The following PCDHA4 variants were observed in gnomAD, a reference collection of about 807,000 sequenced individuals.
PCDHA4 encodes the protein protocadherin alpha-4.
In PCDHA4, 49 loss-of-function variants were observed where a neutral mutation model predicts 61.4. The ratio of observed to expected loss-of-function variants is 0.80; its 90% confidence interval spans 0.63 to 1.01. The LOEUF (loss-of-function observed/expected upper bound fraction) is 1.01, where lower values mean the gene tolerates loss of function less well. PCDHA4 is among the 50% of genes least tolerant of loss of function. The pLI is 0.00. For missense variants in PCDHA4, 1,254 were observed against 1,235.8 expected (o/e 1.01, Z -0.22); for synonymous variants, 590 against 550.3 (o/e 1.07, Z -1.01).
intron 1 of PCDHA4, among the ~76,000 whole-genome samples, chr5:140,941,214 C>CCTTCCTTTCTTTCTTTCTTTCTTT (rs1554214040): frequency 1.1e-4 from 13 of 122,412 alleles, no homozygotes; most frequent in Non-Finnish European, 1.5e-4. Flanking sequence ...TTTCTTTCTT[C>CCTTCCTTTCTTTCTTTCTTTCTTT]CTTTCTTTCT....
intron 1 of PCDHA4, among the ~76,000 whole-genome samples, chr5:140,974,396 G>A (rs1413050341): frequency 6.6e-6 from 1 of 152,178 alleles, no homozygotes; most frequent in Non-Finnish European, 1.5e-5. Context: ...CATTAGGTAT[G>A]TTCTAAAGTT....
Position 140,849,909 on chromosome 5 carries a change from T to A in PCDHA4, c.2385+40337T>A. ...CGTGAAGGAGAACAACCCGCCGGGC[T>A]GCCACATCTTCACGGTGTCTGCGCG... On this transcript the variant is annotated intron_variant, in intron 1 of 3. Coordinates refer to ENST00000530339, the MANE Select transcript of PCDHA4 (RefSeq NM_018907.4). The A allele has an allele frequency of 3.8e-6, 6 of 1,598,300 alleles. 2 individuals carry two copies. The highest frequency in any genetic ancestry group is 5.1e-6 in the Non-Finnish European group (6 of 1,167,786).
At position 141,009,800 on chromosome 5, in the gene PCDHA4, A is replaced by G. The variant is rs148436868; in HGVS notation, c.2707A>G (p.Ser903Gly). The stretch of plus-strand genomic sequence containing the variant: ...CTCCATCCGGCAGGAGCCTACTAAC[A>G]GCCAAATTGACAAAAGTGACTTCAT... ...IISIRQEPTN[S>G]QIDKSDFITF... The change falls in exon 4 of 4, where the codon AGC (serine) becomes GGC (glycine). Residue 903 changes from serine to glycine, a missense_variant. By Grantham distance (56) the Ser-to-Gly change is moderately conservative (BLOSUM62 0). Coordinates refer to ENST00000530339, the MANE Select transcript of PCDHA4 (RefSeq NM_018907.4). 1.2e-4 allele frequency: 190 copies of G among 1,614,158 alleles called. No individual in the cohort carries two copies. In the African/African-American group the frequency reaches 2.3e-3, roughly 19 times the overall value.
chr5:140,940,774 G>T (rs1554213602), intron 1 of PCDHA4, among the ~76,000 whole-genome samples: 4 of 151,994 alleles, frequency 2.6e-5, no homozygotes, highest in African/African-American at 7.3e-5. Context: ...GACTTTTGAT[G>T]GTCCATATCC....
rs2150176322 is a variant in PCDHA4, at chr5:140,829,855, C to T, written c.2385+20283C>T. 3 of 1,613,928 alleles carry T rather than the reference C, an allele frequency of 1.9e-6. No individual in the cohort carries two copies. In the South Asian group the frequency reaches 3.3e-5, roughly 18 times the overall value. ...TGGTGCCGCGGTCACTGGGTGCAGG[C>T]CAAGTGGTGGCGAAGGTGCGCGCAG... On this transcript the variant is annotated intron_variant, in intron 1 of 3. Transcript: ENST00000530339.
In PCDHA4 at chr5:140,809,530, C is replaced by G; in HGVS notation, c.2343C>G (p.Asp781Glu). ...AFSPSLPDSR[D>E]REDQLQTTEE... is the part of the protein sequence containing the mutation. ...GCCCCAGTTTACCTGACTCTAGGGA[C>G]AGAGAAGATCAGCTGCAGACAACTG... The change falls in exon 1 of 4, where the codon GAC (aspartate) becomes GAG (glutamate). Residue 781 changes from aspartate (D) to glutamate (E), a missense_variant. Transcript: ENST00000530339. The G allele has an allele frequency of 6.2e-7, 1 of 1,613,906 alleles. No individual in the cohort carries two copies. The highest frequency in any genetic ancestry group is 8.5e-7 in the Non-Finnish European group (1 of 1,179,890).
intron 3 of PCDHA4, among the ~76,000 whole-genome samples, chr5:140,992,981 A>T (rs532135754): frequency 5.3e-5 from 8 of 152,232 alleles, no homozygotes; most frequent in Admixed American, 1.3e-4. Flanking sequence ...TGATTAGGCC[A>T]TGGGACCCAT....
At chr5:140,838,615 T>G (rs1554137122) in intron 1 of PCDHA4, among the ~76,000 whole-genome samples, 2 of 152,036 alleles carry the variant, frequency 1.3e-5, no homozygotes, top group African/African-American at 4.8e-5. Flanking sequence ...TTTTAAAAAT[T>G]TTTTACAAAT....
intron 1 of PCDHA4, among the ~76,000 whole-genome samples, chr5:140,939,071 G>C (rs1376380334): frequency 2.0e-5 from 3 of 152,140 alleles, no homozygotes; most frequent in African/African-American, 7.2e-5. Context: ...TATCAAAATA[G>C]CATAAACTGG....
intron 1 of PCDHA4, among the ~76,000 whole-genome samples, chr5:140,887,179 C>A (rs984497356): frequency 6.6e-6 from 1 of 151,850 alleles, no homozygotes; most frequent in Non-Finnish European, 1.5e-5. Context: ...TCACTGCAAG[C>A]TCCACCTCCC....
intron 1 of PCDHA4, among the ~76,000 whole-genome samples, chr5:140,898,104 A>G (rs1220718510): frequency 2.0e-5 from 3 of 152,110 alleles, no homozygotes; most frequent in Middle Eastern, 3.4e-3. Flanking sequence ...TTGTCAGATG[A>G]GTAGGTTGCG....
At chr5:140,985,582 C>T (rs2097158950) in intron 3 of PCDHA4, among the ~76,000 whole-genome samples, 1 of 152,116 alleles carries the variant, frequency 6.6e-6, no homozygotes, top group Admixed American at 6.5e-5. Context: ...CCTAAGCCTC[C>T]TTATACTTGC....
chr5:140,954,441 G>A (rs1411694581), intron 1 of PCDHA4, among the ~76,000 whole-genome samples: 2 of 151,498 alleles, frequency 1.3e-5, no homozygotes, highest in Non-Finnish European at 3.0e-5. Flanking sequence ...TGTTGTTTCT[G>A]GACTTGTTAA....
chr5:140,876,827 C>G, intron 1 of PCDHA4: 1 of 1,614,182 alleles, frequency 6.2e-7, no homozygotes, highest in Non-Finnish European at 8.5e-7. Flanking sequence ...AACGACAATG[C>G]GCCTGCGTTC....
At chr5:140,850,446 G>C in intron 1 of PCDHA4, 1 of 1,598,030 alleles carries the variant, frequency 6.3e-7, no homozygotes, top group South Asian at 1.1e-5. Context: ...ACTGGTGCTG[G>C]TGAAAGACCA....
At chr5:140,909,961 A>G (rs1407330494) in intron 1 of PCDHA4, among the ~76,000 whole-genome samples, 2 of 152,206 alleles carry the variant, frequency 1.3e-5, no homozygotes, top group Non-Finnish European at 2.9e-5. Flanking sequence ...GTAGGTCTCC[A>G]TGGGGAAGGA....
intron 1 of PCDHA4, chr5:140,848,138 T>A: frequency 5.1e-6 from 1 of 197,510 alleles, no homozygotes; most frequent in East Asian, 1.1e-4. Context: ...TACAAAACTT[T>A]TAGAGGCAGT....
intron 3 of PCDHA4, among the ~76,000 whole-genome samples, chr5:140,998,792 G>A (rs747824792): frequency 6.6e-6 from 1 of 152,156 alleles, no homozygotes; most frequent in Non-Finnish European, 1.5e-5. Flanking sequence ...TGGAACCCCT[G>A]ACCTCAGGTG....
chr5:140,917,314 G>A (rs1554197960), intron 1 of PCDHA4, among the ~76,000 whole-genome samples: 1 of 142,492 alleles, frequency 7.0e-6, no homozygotes, highest in African/African-American at 2.6e-5. Context: ...ACAATTTGGT[G>A]TTCATGTGGC....
Sources: allele counts gnomAD v4.1 joint callset (sites outside exome capture counted in the v4.1 genomes callset), GRCh38; gene constraint gnomAD v4.1.1; transcripts MANE v1.5; gene names NCBI Gene and HGNC (gene_info 2026-07-23, HGNC 2026-07-21).